The following RASEF variants were observed in gnomAD, a reference collection of about 807,000 sequenced individuals.
The protein encoded by RASEF is RAS and EF-hand domain containing.
Under a neutral mutation model 90.1 loss-of-function variants are expected in RASEF, and 68 were observed. The observed-to-expected ratio is 0.75, with a 90% confidence interval of 0.62 to 0.92. The LOEUF is 0.92. Among genes scored for constraint, RASEF ranks in the 40% least tolerant of loss-of-function variants. RASEF has a pLI of 0.00. For missense variants in RASEF, 949 were observed against 937.2 expected, an observed-to-expected ratio of 1.01 and a Z score of -0.16; for synonymous variants, 331 against 345.2, an observed-to-expected ratio of 0.96 and a Z score of 0.46.
Position 83,007,588 on chromosome 9 carries a change from C to T in RASEF, c.960-83G>A. The T allele has an allele frequency of 4.1e-6, 4 of 986,702 alleles. No individual in the cohort carries two copies. The Admixed American group carries it at 6.9e-5, about 17-fold the overall frequency. 61.1% of individuals were successfully genotyped at this position (986,702 alleles called of 1,614,324 possible). A position where few individuals can be genotyped will look rare whatever the true frequency, so the allele number is the denominator to read the frequency against. Reference sequence around the variant, plus strand: ...ATACCTACCCTCCCAGACCCTTTCCCACCTTTTTCAAAGACGAGTGTCCTT... The same window carrying T: ...ATACCTACCCTCCCAGACCCTTTCCTACCTTTTTCAAAGACGAGTGTCCTT... On this transcript the variant is annotated intron_variant, in intron 6 of 16. Coordinates refer to ENST00000376447, the MANE Select transcript of RASEF (RefSeq NM_152573.4).
At chr9:83,093,555 T>C in the RASEF span, among the ~76,000 whole-genome samples, 7 of 152,228 alleles carry the variant, frequency 4.6e-5, no homozygotes, top group Non-Finnish European at 1.0e-4. Flanking sequence ...AAGCCCCTCA[T>C]TGCCCAGGGC....
chr9:83,046,276 C>T (rs1276735727), intron 1 of RASEF, among the ~76,000 whole-genome samples: 2 of 152,040 alleles, frequency 1.3e-5, no homozygotes, highest in East Asian at 3.9e-4. Context: ...TATTAAGAAT[C>T]TCGCATGACT....
At chr9:83,073,521 T>G in the RASEF span, among the ~76,000 whole-genome samples, 19 of 152,206 alleles carry the variant, frequency 1.2e-4, no homozygotes, top group Non-Finnish European at 2.6e-4. Flanking sequence ...ACCACTTCCT[T>G]GGCATGCAAT....
intron 16 of RASEF, among the ~76,000 whole-genome samples, chr9:82,989,993 T>C (rs1233276709): frequency 6.6e-6 from 1 of 152,216 alleles, no homozygotes; most frequent in Non-Finnish European, 1.5e-5. Context: ...GACAAAGTGT[T>C]TCTAACTGGC....
intron 6 of RASEF, among the ~76,000 whole-genome samples, chr9:83,007,790 C>A (rs75437869): frequency 0.014 from 2,207 of 152,250 alleles, 52 homozygotes; most frequent in African/African-American, 0.051. Context: ...ATCTCAGCAA[C>A]CACCAGCTCT....
At chr9:83,187,728 G>A in the RASEF span, among the ~76,000 whole-genome samples, 1 of 152,216 alleles carries the variant, frequency 6.6e-6, no homozygotes, top group African/African-American at 2.4e-5. Context: ...TCAATCTCTT[G>A]AGGGTGCCCT....
intron 1 of RASEF, among the ~76,000 whole-genome samples, chr9:83,032,295 G>A (rs1829661988): frequency 6.6e-6 from 1 of 152,158 alleles, no homozygotes; most frequent in South Asian, 2.1e-4. Context: ...AGTGAGTGCT[G>A]AGAAGGGTGA....
intron 1 of RASEF, among the ~76,000 whole-genome samples, chr9:83,062,182 C>A (rs547027709): frequency 3.9e-5 from 6 of 152,310 alleles, no homozygotes; most frequent in African/African-American, 1.4e-4. Flanking sequence ...AGGAGAGCTC[C>A]TGTAATGAAC....
Position 83,000,252 on chromosome 9 carries a change from G to A in RASEF, c.1640C>T (p.Ala547Val). 6.2e-7 allele frequency: 1 copy of A among 1,614,036 alleles called. No homozygotes were observed. Among genetic ancestry groups the A allele is most frequent in the Non-Finnish European group, 8.5e-7 (1 of 1,179,984 alleles). ...SSQKAYKIVL[A>V]GDAAVGKSSF... ...AGACTTCCCCACTGCAGCGTCCCCAGCAAGTACAATCTTGTAAGCCTTCTG... is the reference window on the plus strand; with the variant it reads ...AGACTTCCCCACTGCAGCGTCCCCAACAAGTACAATCTTGTAAGCCTTCTG... Residue 547 changes from alanine (A) to valine (V), a missense_variant, in exon 12 of 17, where the codon GCT becomes GTT. Ala to Val is a moderately conservative substitution (Grantham distance 64). Around this residue, in one of 3 missense-constraint regions of RASEF, gnomAD observed 288 missense variants for 328.4 expected, o/e 0.88. Transcript: ENST00000376447.
the RASEF span, among the ~76,000 whole-genome samples, chr9:83,077,878 G>C: frequency 6.6e-6 from 1 of 152,208 alleles, no homozygotes; most frequent in Non-Finnish European, 1.5e-5. Flanking sequence ...AACAAGGGAA[G>C]ACGGTGGGGA....
In RASEF at chr9:82,992,929, G is replaced by A; in HGVS notation, c.2017C>T (p.His673Tyr). 1.2e-6 allele frequency: 2 copies of A among 1,613,712 alleles called. No homozygotes were observed. Among genetic ancestry groups the A allele is most frequent in the East Asian group, 4.5e-5 (2 of 44,840 alleles). The change falls in exon 15 of 17, where the codon CAC (histidine) becomes TAC (tyrosine). Residue 673 changes from histidine (H) to tyrosine (Y), a missense_variant. Transcript: ENST00000376447. ...ACCATGGCCAGTTTCTCTCCAAAGT[G>A]CCCTGGGACACATTTTTGTCCCTCT... ...ATEGQKCVPG[H>Y]FGEKLAMTYG... is the part of the protein sequence containing the mutation.
intron 1 of RASEF, among the ~76,000 whole-genome samples, chr9:83,053,431 T>A (rs954426246): frequency 1.6e-5 from 2 of 123,900 alleles, no homozygotes; most frequent in African/African-American, 7.9e-5. Flanking sequence ...TTTGAGCCTA[T>A]GTGTGTCTCT....
the RASEF span, among the ~76,000 whole-genome samples, chr9:83,180,815 T>A: frequency 6.6e-6 from 1 of 151,864 alleles, no homozygotes; most frequent in Non-Finnish European, 1.5e-5. Flanking sequence ...TGGGATGCAG[T>A]TACCAAATTG....
chr9:83,028,042 A>T (rs1435492038), intron 1 of RASEF, among the ~76,000 whole-genome samples: 1 of 152,220 alleles, frequency 6.6e-6, no homozygotes, highest in African/African-American at 2.4e-5. Context: ...CATTTATACC[A>T]GTTGAAACAA....
At chr9:83,006,527 C>A (rs891836837) in intron 7 of RASEF, among the ~76,000 whole-genome samples, 1 of 151,562 alleles carries the variant, frequency 6.6e-6, no homozygotes, top group Non-Finnish European at 1.5e-5. Flanking sequence ...AAAGGTCAAA[C>A]CTGACCTGAC....
At chr9:83,047,636 A>AT (rs1233096987) in intron 1 of RASEF, among the ~76,000 whole-genome samples, 1 of 152,234 alleles carries the variant, frequency 6.6e-6, no homozygotes, top group Non-Finnish European at 1.5e-5. Flanking sequence ...TTAGGGCAGC[A>AT]TAACCTGGAA....
At chr9:83,092,373 G>A in the RASEF span, among the ~76,000 whole-genome samples, 1 of 152,100 alleles carries the variant, frequency 6.6e-6, no homozygotes, top group South Asian at 2.1e-4. Flanking sequence ...CGCATCTGGA[G>A]TTTGTTCCTT....
At chr9:83,000,662 G>T (rs1829015979) in intron 10 of RASEF, 92 bp from the exon 11 acceptor site, 2 of 1,198,832 alleles carry the variant, frequency 1.7e-6, no homozygotes, top group Non-Finnish European at 1.2e-6. Flanking sequence ...TTAAAAAGAA[G>T]AAAACTATGC....
chr9:83,218,368 A>T, the RASEF span, among the ~76,000 whole-genome samples: 1 of 152,116 alleles, frequency 6.6e-6, no homozygotes, highest in East Asian at 1.9e-4. Flanking sequence ...CTAACCCAGC[A>T]TATCAACCAG....
Sources: allele counts gnomAD v4.1 joint callset (sites outside exome capture counted in the v4.1 genomes callset), GRCh38; gene constraint gnomAD v4.1.1; regional missense constraint gnomAD v4.1.1; transcripts MANE v1.5; gene names NCBI Gene and HGNC (gene_info 2026-07-23, HGNC 2026-07-21).